Variants in AUTS2 observed in about 807,000 individuals in gnomAD.
AUTS2 encodes the protein activator of transcription and developmental regulator AUTS2.
AUTS2 carries 17 observed loss-of-function variants against 112.4 expected under a neutral mutation model. The observed-to-expected ratio is 0.15, with a 90% CI of 0.10 to 0.23. The LOEUF (loss-of-function observed/expected upper bound fraction) is 0.23. Among genes scored for constraint, AUTS2 ranks in the 10% least tolerant of loss-of-function variants. The pLI, the probability that AUTS2 is intolerant of heterozygous loss-of-function variation, is 1.00. For missense variants in AUTS2, 1,510 were observed against 1,701.6 expected (o/e 0.89, Z 1.98); for synonymous variants, 751 against 702.7 (o/e 1.07, Z -1.09).
chr7:70,472,475 G>T (rs927354165), intron 5 of AUTS2, among the ~76,000 whole-genome samples: 6 of 151,686 alleles, frequency 4.0e-5, no homozygotes, highest in Non-Finnish European at 8.8e-5. Context: ...CTGGGTAAAG[G>T]GGGGAACATG....
intron 4 of AUTS2, among the ~76,000 whole-genome samples, chr7:70,318,006 G>A (rs1269781780): frequency 2.0e-5 from 3 of 152,044 alleles, no homozygotes; most frequent in East Asian, 3.8e-4. Context: ...AAACACCAGC[G>A]AAAAAAACCT....
intron 5 of AUTS2, among the ~76,000 whole-genome samples, chr7:70,480,109 C>T (rs549420067): frequency 1.2e-4 from 18 of 152,166 alleles, no homozygotes; most frequent in Admixed American, 1.3e-4. Flanking sequence ...CTTGGCAGAT[C>T]TCGCTCTCAC....
At chr7:70,785,152 T>C (rs1791365170) in intron 16 of AUTS2, 133 bp downstream of exon 16, 7 of 839,970 alleles carry the variant, frequency 8.3e-6, no homozygotes, top group Admixed American at 2.1e-5. Context: ...AGGCAGGAGA[T>C]GGTGCTCTCT....
At chr7:70,655,330 A>T (rs538973037) in intron 5 of AUTS2, among the ~76,000 whole-genome samples, 1 of 152,370 alleles carries the variant, frequency 6.6e-6, no homozygotes, top group East Asian at 1.9e-4. Context: ...AGATGACTGC[A>T]GCTTACAAAG....
chr7:70,224,078 G>A (rs1187186986), intron 4 of AUTS2, among the ~76,000 whole-genome samples: 2 of 152,106 alleles, frequency 1.3e-5, no homozygotes, highest in Admixed American at 1.3e-4. Flanking sequence ...ATTTTAAGAG[G>A]CTGAGGCAGG....
chr7:70,155,454 G>A (rs145914018), intron 4 of AUTS2, among the ~76,000 whole-genome samples: 2 of 150,924 alleles, frequency 1.3e-5, no homozygotes, highest in East Asian at 3.9e-4. Flanking sequence ...TCCTTGAAGG[G>A]CCCTTGACTT....
intron 4 of AUTS2, among the ~76,000 whole-genome samples, chr7:70,344,376 T>C (rs562214248): frequency 1.8e-4 from 28 of 152,200 alleles, no homozygotes; most frequent in Non-Finnish European, 3.2e-4. Flanking sequence ...TGCCTGATAC[T>C]GACTTTTCTC....
At chr7:69,781,764 G>A (rs1303508640) in intron 1 of AUTS2, among the ~76,000 whole-genome samples, 8 of 152,200 alleles carry the variant, frequency 5.3e-5, no homozygotes, top group African/African-American at 1.9e-4. Context: ...TTGTTGCAAA[G>A]GCCACACACC....
At chr7:69,744,238 TG>T (rs1787390988) in intron 1 of AUTS2, among the ~76,000 whole-genome samples, 1 of 152,214 alleles carries the variant, frequency 6.6e-6, no homozygotes, top group Non-Finnish European at 1.5e-5. Flanking sequence ...GTTTCCAATT[TG>T]GGGCTGCTAT....
At chr7:70,049,003 A>G (rs553446053) in intron 2 of AUTS2, among the ~76,000 whole-genome samples, 2 of 152,082 alleles carry the variant, frequency 1.3e-5, no homozygotes, top group Non-Finnish European at 2.9e-5. Flanking sequence ...TTAGTTTGAG[A>G]TGAGGCTGGT....
intron 5 of AUTS2, among the ~76,000 whole-genome samples, chr7:70,585,542 T>C (rs1802641692): frequency 6.6e-6 from 1 of 152,172 alleles, no homozygotes. Context: ...TTCTAGTCGG[T>C]CATACAGATC....
intron 1 of AUTS2, among the ~76,000 whole-genome samples, chr7:69,636,660 G>GTGT (rs56054035): frequency 0.034 from 5,209 of 152,158 alleles, 121 homozygotes; most frequent in Middle Eastern, 0.082. Context: ...CTGTTTTCAT[G>GTGT]TGTTGTTTTT....
chr7:70,510,199 G>A (rs201197359), intron 5 of AUTS2, among the ~76,000 whole-genome samples: 1 of 152,320 alleles, frequency 6.6e-6, no homozygotes, highest in African/African-American at 2.4e-5. Context: ...CTGGTGCTCT[G>A]ACAGCCACAG....
At chr7:69,898,739 A>G (rs779116870) in intron 1 of AUTS2, among the ~76,000 whole-genome samples, 3 of 152,220 alleles carry the variant, frequency 2.0e-5, no homozygotes, top group Non-Finnish European at 4.4e-5. Flanking sequence ...GAAAATGGAA[A>G]TAAAGGATGC....
At chr7:69,771,597 G>A (rs1452816236) in intron 1 of AUTS2, among the ~76,000 whole-genome samples, 3 of 152,128 alleles carry the variant, frequency 2.0e-5, no homozygotes, top group African/African-American at 7.2e-5. Context: ...AAGGGTGAAG[G>A]TGTCTTAGAG....
intron 5 of AUTS2, among the ~76,000 whole-genome samples, chr7:70,684,619 A>G (rs1242710872): frequency 6.8e-6 from 1 of 146,336 alleles, no homozygotes; most frequent in African/African-American, 2.6e-5. Flanking sequence ...GTGGTGTGGT[A>G]TGGTGTGGCG....
chr7:69,956,299 A>G (rs760924421), intron 2 of AUTS2, among the ~76,000 whole-genome samples: 1 of 152,174 alleles, frequency 6.6e-6, no homozygotes, highest in Non-Finnish European at 1.5e-5. Flanking sequence ...TCAAGTATAC[A>G]TACATATGCA....
At chr7:70,719,014 T>C (rs150374365) in intron 6 of AUTS2, among the ~76,000 whole-genome samples, 4 of 152,300 alleles carry the variant, frequency 2.6e-5, no homozygotes, top group African/African-American at 7.2e-5. Context: ...TTCAATCCAC[T>C]CGTGATGATA....
chr7:70,157,956 A>C (rs957041116), intron 4 of AUTS2, among the ~76,000 whole-genome samples: 1 of 152,188 alleles, frequency 6.6e-6, no homozygotes, highest in Admixed American at 6.5e-5. Context: ...TTTCATGAGT[A>C]CTGCTGTACA....
Sources: gnomAD v4.1 joint callset for allele counts (sites outside exome capture counted in the v4.1 genomes callset) on GRCh38, gnomAD v4.1.1 for gene constraint, MANE v1.5 for transcripts, NCBI Gene and HGNC (gene_info 2026-07-23, HGNC 2026-07-21) for gene names.